CDC45: variants seen among roughly 807,000 people sequenced by gnomAD.
CDC45 encodes the protein cell division cycle 45, also known as cell division control protein 45 homolog.
Under a neutral mutation model 77.8 loss-of-function variants are expected in CDC45, and 54 were observed. The ratio of observed to expected loss-of-function variants is 0.69; its 90% confidence interval spans 0.56 to 0.87. The LOEUF (loss-of-function observed/expected upper bound fraction) is 0.87, where lower values mean the gene tolerates loss of function less well. CDC45 is among the 40% of genes least tolerant of loss of function. The pLI, the probability that CDC45 is intolerant of heterozygous loss-of-function variation, is 0.00. For synonymous variants in CDC45, 260 were observed against 272.1 expected, an observed-to-expected ratio of 0.96 and a Z score of 0.44; for missense variants, 649 against 721.6, an observed-to-expected ratio of 0.90 and a Z score of 1.15.
chr22:19,488,159 T>G (rs1395155106), intron 5 of CDC45, among the ~76,000 whole-genome samples: 5 of 152,226 alleles, frequency 3.3e-5, no homozygotes, highest in African/African-American at 4.8e-5. Flanking sequence ...TGACTTAACC[T>G]CTGTGTGCCA....
Position 19,507,406 on chromosome 22 carries a change from A to G in CDC45, c.845A>G (p.Gln282Arg), listed in dbSNP as rs1601971244. The change falls in exon 11 of 19, where the codon CAG (glutamine) becomes CGG (arginine). Residue 282 changes from glutamine to arginine, a missense_variant. By Grantham distance (43) the Gln-to-Arg change is conservative. Transcript: ENST00000263201. ...CCCAGCCTCCGCCTGGTGCTCTACC[A>G]GCACTGGTCCCTCCATGACAGCCTG... ...FEYDLRLVLY[Q>R]HWSLHDSLCN... 6.2e-7 allele frequency: 1 copy of G among 1,614,090 alleles called. No homozygotes were observed. The highest frequency in any genetic ancestry group is 8.5e-7 in the Non-Finnish European group (1 of 1,180,024).
intron 11 of CDC45, 74 bp from the exon 12 acceptor site, chr22:19,507,692 C>T (rs1329108983): frequency 4.3e-6 from 6 of 1,399,670 alleles, no homozygotes; most frequent in Non-Finnish European, 6.0e-6. Context: ...CTCGCTTGCC[C>T]TTGGTTTGGG....
At chr22:19,485,458 C>CAG (rs1449147626) in intron 5 of CDC45, among the ~76,000 whole-genome samples, 1 of 152,098 alleles carries the variant, frequency 6.6e-6, no homozygotes, top group Admixed American at 6.5e-5. Context: ...GATTCCTGGG[C>CAG]AGAGCATCCA....
chr22:19,514,712 C>G (rs199869360), intron 13 of CDC45, 37 bp from the exon 14 acceptor site: 9 of 1,538,264 alleles, frequency 5.9e-6, no homozygotes, highest in African/African-American at 1.4e-5. Flanking sequence ...GAGTTCCTGA[C>G]AAGCACCACC....
intron 17 of CDC45, among the ~76,000 whole-genome samples, chr22:19,518,088 C>G (rs925892005): frequency 1.6e-4 from 24 of 152,260 alleles, no homozygotes; most frequent in African/African-American, 5.8e-4. Context: ...CGCACAGCAG[C>G]CCCTGCTAAC....
intron 17 of CDC45, among the ~76,000 whole-genome samples, chr22:19,517,521 C>T (rs942702419): frequency 7.9e-5 from 12 of 152,184 alleles, no homozygotes; most frequent in Non-Finnish European, 1.6e-4. Flanking sequence ...TGATATTTCA[C>T]CCCGGGTTAG....
At chr22:19,501,988 A>G (rs746228876) in intron 9 of CDC45, among the ~76,000 whole-genome samples, 4 of 152,142 alleles carry the variant, frequency 2.6e-5, no homozygotes, top group Non-Finnish European at 5.9e-5. Context: ...AAGTGCTGGG[A>G]TTACAGATGT....
chr22:19,482,868 A>T, intron 4 of CDC45, 41 bp downstream of exon 4: 1 of 1,597,996 alleles, frequency 6.3e-7, no homozygotes, highest in South Asian at 1.1e-5. Flanking sequence ...TGTACTTTTT[A>T]TGCCATGTAC....
In CDC45 at chr22:19,515,017, G is replaced by A; in HGVS notation, c.1409G>A (p.Ser470Asn). 6.2e-7 allele frequency: 1 copy of A among 1,613,092 alleles called. No individual in the cohort carries two copies. Residue 470 changes from serine (S) to asparagine (N), a missense_variant, in exon 15 of 19, where the codon AGC (serine) becomes AAC (asparagine). Physicochemically the swap from Ser to Asn is conservative, Grantham distance 46 (BLOSUM62 1). Transcript: ENST00000263201. Reference protein sequence around the residue: ...FSRPASLSLLSKHLLKSFVCS... With the variant: ...FSRPASLSLLNKHLLKSFVCS... ...AGGCCGGCATCCCTAAGCCTGCTCA[G>A]CAAACACCTGCTCAAGTCCTTTGTG...
chr22:19,514,298 A>G (rs1007763805), intron 13 of CDC45, among the ~76,000 whole-genome samples: 1 of 152,184 alleles, frequency 6.6e-6, no homozygotes, highest in African/African-American at 2.4e-5. Context: ...GGGACTCCCC[A>G]CTGTAGGGCC....
At chr22:19,501,392 C>T (rs573555974) in intron 9 of CDC45, among the ~76,000 whole-genome samples, 6 of 152,200 alleles carry the variant, frequency 3.9e-5, no homozygotes, top group East Asian at 1.9e-4. Context: ...ATAAACTGCT[C>T]GCAGCAAAGA....
intron 9 of CDC45, chr22:19,504,943 T>C: frequency 4.9e-6 from 1 of 202,898 alleles, no homozygotes; most frequent in East Asian, 1.4e-4. Flanking sequence ...TAGTGACTGA[T>C]GCTGATGTGC....
intron 13 of CDC45, among the ~76,000 whole-genome samples, chr22:19,513,321 G>T (rs1933616529): frequency 6.6e-6 from 1 of 152,192 alleles, no homozygotes; most frequent in South Asian, 2.1e-4. Flanking sequence ...TTTGGTTACA[G>T]GTTGATTTTA....
chr22:19,507,346 G>T, intron 10 of CDC45, 40 bp from the exon 11 acceptor site: 1 of 1,604,370 alleles, frequency 6.2e-7, no homozygotes, highest in Non-Finnish European at 8.5e-7. Flanking sequence ...TGCTCAGGGC[G>T]GCCAGTGGGT....
chr22:19,495,869 C>A, intron 6 of CDC45, 112 bp from the exon 7 acceptor site: 1 of 781,910 alleles, frequency 1.3e-6, no homozygotes, highest in Non-Finnish European at 2.3e-6. Context: ...CAAATAGTAC[C>A]ATGATTTAAT....
chr22:19,494,590 C>T (rs1320373973), intron 6 of CDC45: 17 of 1,545,252 alleles, frequency 1.1e-5, no homozygotes, highest in Non-Finnish European at 1.4e-5. Flanking sequence ...AGGACAGCCC[C>T]AAGGTCTCCC....
At chr22:19,501,640 C>G (rs1006451796) in intron 9 of CDC45, among the ~76,000 whole-genome samples, 1 of 152,210 alleles carries the variant, frequency 6.6e-6, no homozygotes, top group African/African-American at 2.4e-5. Context: ...ACATTTCATG[C>G]ATTTTTAAGT....
chr22:19,481,370 T>C (rs540274023), intron 3 of CDC45, among the ~76,000 whole-genome samples: 2 of 152,130 alleles, frequency 1.3e-5, no homozygotes, highest in Non-Finnish European at 2.9e-5. Flanking sequence ...TTTATTTTGG[T>C]TTATTTTTTT....
Position 19,497,153 on chromosome 22 carries a change from A to G in CDC45, c.592-233A>G, listed in dbSNP as rs573024707. On this transcript the variant is annotated intron_variant, in intron 7 of 18. Coordinates refer to ENST00000263201, the MANE Select transcript of CDC45 (RefSeq NM_003504.5). ...TCCCTTGCTACAGGATAAAATATACAGACAGTAATGATTTTAGGTAGCAAA... is the reference window on the plus strand; with the variant it reads ...TCCCTTGCTACAGGATAAAATATACGGACAGTAATGATTTTAGGTAGCAAA... Among the ~76,000 whole-genome samples, 24 of 152,350 alleles carry G rather than the reference A, an allele frequency of 1.6e-4. No homozygotes were observed. In the South Asian group the frequency reaches 4.8e-3, roughly 30 times the overall value.
Sources: allele counts gnomAD v4.1 joint callset (sites outside exome capture counted in the v4.1 genomes callset), GRCh38; gene constraint gnomAD v4.1.1; transcripts MANE v1.5; gene names NCBI Gene and HGNC (gene_info 2026-07-23, HGNC 2026-07-21).